Variants in SPINT2 observed in about 807,000 individuals in gnomAD.
SPINT2 encodes serine peptidase inhibitor, Kunitz type 2, also known as kunitz-type protease inhibitor 2.
SPINT2 carries 18 observed loss-of-function variants against 30.1 expected under a neutral mutation model. That is an observed-to-expected ratio of 0.60 (90% confidence interval 0.41 to 0.89). The LOEUF is 0.89. Among genes scored for constraint, SPINT2 ranks in the 40% least tolerant of loss-of-function variants. SPINT2 has a pLI of 0.00. For missense variants in SPINT2, 276 were observed against 334.3 expected (o/e 0.83, Z 1.36); for synonymous variants, 139 against 137.9 (o/e 1.01, Z -0.05).
intron 1 of SPINT2, among the ~76,000 whole-genome samples, chr19:38,271,724 C>T (rs1480629799): frequency 6.6e-6 from 1 of 152,028 alleles, no homozygotes; most frequent in African/African-American, 2.4e-5. Context: ...GAGGCTGAGG[C>T]AGGAGAATCG....
intron 1 of SPINT2, among the ~76,000 whole-genome samples, chr19:38,276,117 A>G (rs551906360): frequency 2.0e-5 from 3 of 152,270 alleles, no homozygotes; most frequent in Non-Finnish European, 2.9e-5. Context: ...GGGCAGGCCA[A>G]TTGCTGCTTG....
intron 1 of SPINT2, among the ~76,000 whole-genome samples, chr19:38,278,059 A>C (rs956173793): frequency 1.3e-5 from 2 of 152,196 alleles, no homozygotes; most frequent in Non-Finnish European, 2.9e-5. Flanking sequence ...TTGTCATTTC[A>C]TAATAATAGA....
intron 2 of SPINT2, among the ~76,000 whole-genome samples, chr19:38,286,231 T>C (rs1390980529): frequency 6.6e-6 from 1 of 152,114 alleles, no homozygotes; most frequent in Non-Finnish European, 1.5e-5. Context: ...AGACTGCCAG[T>C]GTATTAATTC....
chr19:38,279,106 G>A (rs1042155731), intron 1 of SPINT2, among the ~76,000 whole-genome samples: 2 of 151,796 alleles, frequency 1.3e-5, no homozygotes, highest in Admixed American at 6.6e-5. Context: ...ACATAGTAAG[G>A]ACATGGTTAA....
At chr19:38,270,516 G>C (rs1968441624) in intron 1 of SPINT2, among the ~76,000 whole-genome samples, 1 of 152,232 alleles carries the variant, frequency 6.6e-6, no homozygotes, top group South Asian at 2.1e-4. Context: ...ACAGATGAAT[G>C]TATGTCTGGT....
At chr19:38,272,678 G>A (rs1014358951) in intron 1 of SPINT2, among the ~76,000 whole-genome samples, 2 of 152,120 alleles carry the variant, frequency 1.3e-5, no homozygotes, top group African/African-American at 4.8e-5. Context: ...GTGATGGTAG[G>A]CATGAGTAGT....
intron 1 of SPINT2, among the ~76,000 whole-genome samples, chr19:38,283,036 G>T (rs1159540670): frequency 6.6e-6 from 1 of 151,918 alleles, no homozygotes; most frequent in Non-Finnish European, 1.5e-5. Flanking sequence ...TTTCCATTGG[G>T]CGTAGTGGCT....
At chr19:38,265,871 C>T (rs1968372192) in intron 1 of SPINT2, among the ~76,000 whole-genome samples, 1 of 152,222 alleles carries the variant, frequency 6.6e-6, no homozygotes, top group Non-Finnish European at 1.5e-5. Flanking sequence ...TTCCTGCATT[C>T]ACAGAGCTAA....
chr19:38,285,367 T>G lies in SPINT2; in HGVS notation c.277+1570T>G, dbSNP rs113672930. ...TTAAAGATTTTCACTTTTTTCTTTTTTTCTCGCTTAGTCGCCTACCAGGCT... is the reference window on the plus strand; with the variant it reads ...TTAAAGATTTTCACTTTTTTCTTTTGTTCTCGCTTAGTCGCCTACCAGGCT... On this transcript the variant is annotated intron_variant, in intron 2 of 6. Transcript: ENST00000301244. Among the ~76,000 whole-genome samples the G allele has an allele frequency of 5.6e-3, 849 of 152,288 alleles. 9 individuals carry two copies. Among genetic ancestry groups the G allele is most frequent in the African/African-American group, 0.02 (823 of 41,554 alleles).
intron 3 of SPINT2, 92 bp downstream of exon 3, chr19:38,288,027 C>CAA: frequency 6.9e-7 from 1 of 1,458,838 alleles, no homozygotes; most frequent in African/African-American, 1.4e-5. Context: ...CACAGGCTTC[C>CAA]CTCTCATGGT....
At position 38,268,756 on chromosome 19, in the gene SPINT2, TGC is replaced by T. The variant is rs67698523; in HGVS notation, c.106+3768_106+3769del. 6.2e-3 allele frequency among the ~76,000 whole-genome samples: 916 copies of T among 148,718 alleles called. 10 individuals carry two copies. The highest frequency in any genetic ancestry group is 0.038 in the South Asian group (179 of 4,712). The stretch of plus-strand genomic sequence containing the variant: ...TACAGTGTGAGACAGAGAGAGAGCA[TGC>T]GCGCGCGCGTGTGTGTGTGTGTGTG... On this transcript the variant is annotated intron_variant, in intron 1 of 6. Transcript: ENST00000301244.
At chr19:38,279,595 A>T (rs1350367082) in intron 1 of SPINT2, among the ~76,000 whole-genome samples, 1 of 152,168 alleles carries the variant, frequency 6.6e-6, no homozygotes, top group Non-Finnish European at 1.5e-5. Flanking sequence ...AACTACCAAC[A>T]TCTGTCTTTC....
intron 1 of SPINT2, chr19:38,265,743 G>A (rs573828684): frequency 2.0e-5 from 3 of 152,408 alleles, no homozygotes; most frequent in Non-Finnish European, 4.4e-5. Flanking sequence ...AAGCACCAGC[G>A]TGTTTTGAAA....
In SPINT2 at chr19:38,290,919, C is replaced by A. The variant is rs1020418232; in HGVS notation, c.592+344C>A. ...CTATGTGGGGCATAAGAGTTGGTCACGGGTGACAGGACGGAGGACCACGGG... is the reference window on the plus strand; with the variant it reads ...CTATGTGGGGCATAAGAGTTGGTCAAGGGTGACAGGACGGAGGACCACGGG... On this transcript the variant is annotated intron_variant, in intron 6 of 6. Coordinates refer to ENST00000301244, the MANE Select transcript of SPINT2 (RefSeq NM_021102.4). The surrounding 1 kb of genome is among the most constrained non-coding windows in gnomAD (Gnocchi z 4.3). 1 of 425,616 alleles carries A rather than the reference C, an allele frequency of 2.3e-6. No individual in the cohort carries two copies. Among genetic ancestry groups the A allele is most frequent in the African/African-American group, 2.0e-5 (1 of 49,378 alleles). The allele number at this position is 425,616 out of a possible 1,614,324, so 26.4% of individuals were successfully genotyped here.
chr19:38,280,792 G>A (rs1295681817), intron 1 of SPINT2, among the ~76,000 whole-genome samples: 1 of 152,116 alleles, frequency 6.6e-6, no homozygotes, highest in Non-Finnish European at 1.5e-5. Flanking sequence ...GGTGTTGTTG[G>A]GCCCTCCCTC....
chr19:38,266,845 C>G (rs969012809), intron 1 of SPINT2, among the ~76,000 whole-genome samples: 1 of 152,156 alleles, frequency 6.6e-6, no homozygotes, highest in African/African-American at 2.4e-5. Context: ...ATCATTCTTG[C>G]AATTCGAACC....
chr19:38,290,535 A>G lies in SPINT2; in HGVS notation c.554-2A>G. On this transcript the variant is annotated splice_acceptor_variant, in intron 5 of 6. Transcript: ENST00000301244. LOFTEE classifies it high-confidence loss of function. This position sits in a 1 kb window ranked among gnomAD's most constrained non-coding sequence, Gnocchi z 4.3. Reference sequence around the variant, plus strand: ...GACCTCAGGCTGTGTGTTCTCTTCCAGGCCAGCAGGAGAATCCTCCCCTGC... The same window carrying G: ...GACCTCAGGCTGTGTGTTCTCTTCCGGGCCAGCAGGAGAATCCTCCCCTGC... 6.2e-7 allele frequency: 1 copy of G among 1,614,130 alleles called. No individual in the cohort carries two copies. The highest frequency in any genetic ancestry group is 8.5e-7 in the Non-Finnish European group (1 of 1,180,012).
At chr19:38,276,769 C>G (rs569016496) in intron 1 of SPINT2, among the ~76,000 whole-genome samples, 2 of 152,214 alleles carry the variant, frequency 1.3e-5, no homozygotes, top group Non-Finnish European at 2.9e-5. Flanking sequence ...GAGGGGTATG[C>G]AAAGGGTTTC....
At chr19:38,276,141 G>T (rs1968515300) in intron 1 of SPINT2, among the ~76,000 whole-genome samples, 1 of 152,066 alleles carries the variant, frequency 6.6e-6, no homozygotes, top group Admixed American at 6.6e-5. Context: ...TCAGTATTTG[G>T]CCCCTTATAG....
Sources: gnomAD v4.1 joint callset for allele counts (sites outside exome capture counted in the v4.1 genomes callset) on GRCh38, gnomAD v4.1.1 for gene constraint, Gnocchi (gnomAD v3.1) non-coding constraint, MANE v1.5 for transcripts, NCBI Gene and HGNC (gene_info 2026-07-23, HGNC 2026-07-21) for gene names.